Variants in MGAT4C observed in about 807,000 individuals in gnomAD.
MGAT4C encodes the protein MGAT4 family member C, also known as alpha-1,3-mannosyl-glycoprotein 4-beta-N-acetylglucosaminyltransferase C.
In MGAT4C, 19 loss-of-function variants were observed where a neutral mutation model predicts 40.1. The ratio of observed to expected loss-of-function variants is 0.47; its 90% CI spans 0.33 to 0.70. The LOEUF is 0.70. MGAT4C is among the 30% of genes least tolerant of loss of function. MGAT4C has a pLI of 0.02. For missense variants in MGAT4C, 491 were observed against 563.2 expected (o/e 0.87, Z 1.30); for synonymous variants, 181 against 187.1 (o/e 0.97, Z 0.27).
chr12:86,013,277 G>A (rs190598223), intron 2 of MGAT4C, among the ~76,000 whole-genome samples: 2 of 151,860 alleles, frequency 1.3e-5, no homozygotes, highest in African/African-American at 4.8e-5. Context: ...TTTTGGAGAC[G>A]GAGTCTTGCT....
intron 2 of MGAT4C, among the ~76,000 whole-genome samples, chr12:86,570,566 T>A (rs1346867463): frequency 1.3e-5 from 2 of 152,012 alleles, no homozygotes; most frequent in African/African-American, 4.8e-5. Flanking sequence ...AAATATGTAA[T>A]GAATAACTTT....
rs904332204 is a variant in MGAT4C, at chr12:86,603,216, GTATAA to G, written c.-229+123988_-229+123992del. Among the ~76,000 whole-genome samples the G allele has an allele frequency of 2.8e-3, 400 of 142,554 alleles. 1 individual carries two copies. The highest frequency in any genetic ancestry group is 3.5e-3 in the Non-Finnish European group (231 of 66,386). The allele number at this position is 142,554 out of a possible 152,430, so 93.5% of individuals were successfully genotyped here. A position where few individuals can be genotyped will look rare whatever the true frequency, so the allele number is the denominator to read the frequency against. On this transcript the variant is annotated intron_variant, in intron 2 of 7. Transcript: ENST00000548651. ...ATTCTATATAGAATAATACTATATA[GTATAA>G]TATAATATAATATATTATATAATGG...
At position 86,654,632 on chromosome 12, in the gene MGAT4C, G is replaced by C. The variant is rs1396516069; in HGVS notation, c.-229+72577C>G. Among the ~76,000 whole-genome samples, 3 of 151,446 alleles carry C rather than the reference G, an allele frequency of 2.0e-5. No homozygotes were observed. In the East Asian group the frequency reaches 5.8e-4, roughly 29 times the overall value. ...GAATCTTTCTTTAGTTTAGCTGTAA[G>C]AAAATAGGCTTAGAATCAAAAGTCC... is the stretch of plus-strand genomic sequence containing the variant. On this transcript the variant is annotated intron_variant, in intron 2 of 7. Transcript: ENST00000548651.
chr12:86,159,621 C>T (rs1449402232), intron 1 of MGAT4C, among the ~76,000 whole-genome samples: 1 of 151,886 alleles, frequency 6.6e-6, no homozygotes, highest in African/African-American at 2.4e-5. Context: ...TCTTTTTATA[C>T]ATCTGGTAGA....
chr12:86,401,447 T>C (rs946496038), intron 3 of MGAT4C, among the ~76,000 whole-genome samples: 3 of 152,102 alleles, frequency 2.0e-5, no homozygotes, highest in Admixed American at 1.3e-4. Context: ...GATTTTTCAA[T>C]GTTACCATGT....
intron 4 of MGAT4C, among the ~76,000 whole-genome samples, chr12:86,320,011 C>A (rs1954341463): frequency 6.6e-6 from 1 of 151,964 alleles, no homozygotes; most frequent in African/African-American, 2.4e-5. Context: ...TATTGTTTTT[C>A]TTTTGGAATA....
At chr12:86,100,973 C>T (rs568018694) in intron 1 of MGAT4C, among the ~76,000 whole-genome samples, 6 of 151,704 alleles carry the variant, frequency 4.0e-5, no homozygotes, top group South Asian at 2.1e-4. Flanking sequence ...AAAATTAAGC[C>T]GTTCACATTG....
intron 2 of MGAT4C, among the ~76,000 whole-genome samples, chr12:86,031,170 A>G (rs1038987693): frequency 6.6e-6 from 1 of 151,728 alleles, no homozygotes; most frequent in African/African-American, 2.4e-5. Context: ...TATGTATGAA[A>G]TACATGCATC....
chr12:86,357,352 A>G (rs746505875), intron 3 of MGAT4C, among the ~76,000 whole-genome samples: 14 of 152,182 alleles, frequency 9.2e-5, no homozygotes, highest in Non-Finnish European at 1.6e-4. Flanking sequence ...AAAGGTAGAT[A>G]ACACCACAAA....
In MGAT4C at chr12:85,983,573, G is replaced by C; in HGVS notation, c.245C>G (p.Ala82Gly). The change falls in exon 4 of 5, where the codon GCC (alanine) becomes GGC (glycine). Residue 82 changes from alanine to glycine, a missense_variant. Transcript: ENST00000611864. Reference protein sequence around the residue: ...TFKDLSNFSGAINVTYRYLAA... With the variant: ...TFKDLSNFSGGINVTYRYLAA... ...TAGGTAGCGATAGGTGACATTTATG[G>C]CTCCTGAGAAATTAGATAAATCCTT... 2 of 1,597,830 alleles carry C rather than the reference G, an allele frequency of 1.3e-6. No individual in the cohort carries two copies. The highest frequency in any genetic ancestry group is 2.3e-5 in the South Asian group (2 of 88,286).
rs1212365796 is a variant in MGAT4C, at chr12:86,224,756, T to C, written c.-57+31483A>G. Among the ~76,000 whole-genome samples, 6 of 152,110 alleles carry C rather than the reference T, an allele frequency of 3.9e-5. No homozygotes were observed. The East Asian group carries it at 1.2e-3, about 29-fold the overall frequency. Reference sequence around the variant, plus strand: ...ATTTAAAAATGCTTGAAACCGATGATACATACCAAAACCTGTGGGATACAA... The same window carrying C: ...ATTTAAAAATGCTTGAAACCGATGACACATACCAAAACCTGTGGGATACAA... On this transcript the variant is annotated intron_variant, in intron 1 of 4. Transcript: ENST00000611864.
In MGAT4C at chr12:86,670,670, A is replaced by T. The variant is rs185371172; in HGVS notation, c.-229+56539T>A. ...GGAAAAATTCAAGAAAATTTCTCTA[A>T]TCTTGCTAGAGACTTAAGTATCCAA... On this transcript the variant is annotated intron_variant, in intron 2 of 7. Coordinates refer to the MGAT4C transcript ENST00000548651. 6.6e-5 allele frequency among the ~76,000 whole-genome samples: 10 copies of T among 152,300 alleles called. No homozygotes were observed. In the East Asian group the frequency reaches 1.5e-3, roughly 24 times the overall value.
At chr12:86,192,945 T>C (rs1889693111) in intron 1 of MGAT4C, among the ~76,000 whole-genome samples, 1 of 152,160 alleles carries the variant, frequency 6.6e-6, no homozygotes, top group Non-Finnish European at 1.5e-5. Flanking sequence ...TCTGATATTA[T>C]TGCTCTATCA....
chr12:86,265,750 G>T (rs1952769204), intron 4 of MGAT4C, among the ~76,000 whole-genome samples: 1 of 152,076 alleles, frequency 6.6e-6, no homozygotes, highest in Non-Finnish European at 1.5e-5. Flanking sequence ...TGAAAGTATG[G>T]TCATTTTAAT....
intron 2 of MGAT4C, among the ~76,000 whole-genome samples, chr12:86,710,682 C>T (rs1950540871): frequency 6.6e-6 from 1 of 152,156 alleles, no homozygotes; most frequent in East Asian, 1.9e-4. Context: ...AATCCCACTA[C>T]TGGGTATCTA....
intron 2 of MGAT4C, among the ~76,000 whole-genome samples, chr12:86,544,259 C>T (rs1036327836): frequency 1.3e-5 from 2 of 152,042 alleles, no homozygotes; most frequent in African/African-American, 2.4e-5. Context: ...TTTGAGAAGA[C>T]ATCTAATATT....
At chr12:86,055,933 T>C (rs1893342961) in intron 1 of MGAT4C, among the ~76,000 whole-genome samples, 1 of 152,102 alleles carries the variant, frequency 6.6e-6, no homozygotes, top group South Asian at 2.1e-4. Flanking sequence ...GGCTATGCAA[T>C]CACAAGTGGA....
intron 2 of MGAT4C, among the ~76,000 whole-genome samples, chr12:86,612,859 G>A (rs1216433708): frequency 6.6e-6 from 1 of 151,200 alleles, no homozygotes; most frequent in Non-Finnish European, 1.5e-5. Flanking sequence ...TTATGATCTT[G>A]TGTTATCATT....
At chr12:86,463,936 T>C (rs1957639552) in intron 2 of MGAT4C, among the ~76,000 whole-genome samples, 2 of 152,222 alleles carry the variant, frequency 1.3e-5, no homozygotes, top group Admixed American at 1.3e-4. Context: ...CATTATAGTC[T>C]TTCTTGTGAT....
Sources: allele counts gnomAD v4.1 joint callset (sites outside exome capture counted in the v4.1 genomes callset), GRCh38; gene constraint gnomAD v4.1.1; transcripts MANE v1.5; gene names NCBI Gene and HGNC (gene_info 2026-07-23, HGNC 2026-07-21).